The following IQCK variants were observed in gnomAD, a reference collection of about 807,000 sequenced individuals.
IQCK encodes the protein IQ motif containing K.
Under a neutral mutation model 28.1 loss-of-function variants are expected in IQCK, and 29 were observed. The ratio of observed to expected loss-of-function variants is 1.03; its 90% CI spans 0.77 to 1.41. The LOEUF is 1.41. Ranked by LOEUF, IQCK falls within the 40% of genes most tolerant of loss-of-function variation. The pLI is 0.00. For missense variants in IQCK, 359 were observed against 314.7 expected (o/e 1.14, Z -1.07); for synonymous variants, 113 against 115.1 (o/e 0.98, Z 0.12).
At chr16:19,748,292 CTGAA>C (rs2054940559) in intron 4 of IQCK, among the ~76,000 whole-genome samples, 2 of 151,982 alleles carry the variant, frequency 1.3e-5, no homozygotes, top group Non-Finnish European at 2.9e-5. Flanking sequence ...CCAGGCCAGT[CTGAA>C]ACTTCTGACT....
At chr16:19,838,397 G>C (rs1431096026) in intron 9 of IQCK, among the ~76,000 whole-genome samples, 1 of 152,170 alleles carries the variant, frequency 6.6e-6, no homozygotes, top group African/African-American at 2.4e-5. Context: ...GGAGATTTTT[G>C]TGAAGTTTGA....
chr16:19,847,179 T>A (rs1271904001), intron 9 of IQCK, among the ~76,000 whole-genome samples: 2 of 152,200 alleles, frequency 1.3e-5, no homozygotes, highest in African/African-American at 4.8e-5. Flanking sequence ...CTGAGCCTAG[T>A]GTCCAGCATC....
chr16:19,762,240 AGTGGACC>A (rs1481635390), intron 4 of IQCK, among the ~76,000 whole-genome samples: 2 of 152,070 alleles, frequency 1.3e-5, no homozygotes, highest in Non-Finnish European at 2.9e-5. Flanking sequence ...TGAAGTGGAG[AGTGGACC>A]GTGGGTGGAG....
At chr16:19,777,096 A>G (rs1012330935) in intron 6 of IQCK, among the ~76,000 whole-genome samples, 8 of 152,204 alleles carry the variant, frequency 5.3e-5, no homozygotes, top group Non-Finnish European at 8.8e-5. Flanking sequence ...ACATCATTAA[A>G]ACTGAGACCT....
intron 1 of IQCK, among the ~76,000 whole-genome samples, chr16:19,727,261 T>A (rs1977685424): frequency 6.6e-6 from 1 of 152,208 alleles, no homozygotes; most frequent in African/African-American, 2.4e-5. Context: ...GTGGGCACTT[T>A]GACCTAGCCT....
chr16:19,830,014 C>CGAATGAATGAAT (rs36097422), downstream of IQCK, among the ~76,000 whole-genome samples: 9 of 151,370 alleles, frequency 5.9e-5, no homozygotes, highest in Non-Finnish European at 1.0e-4. Context: ...ATCAGTTGAA[C>CGAATGAATGAAT]GAATGAATGA....
intron 7 of IQCK, among the ~76,000 whole-genome samples, chr16:19,817,583 G>T (rs2056005954): frequency 1.3e-5 from 2 of 152,140 alleles, no homozygotes; most frequent in Non-Finnish European, 2.9e-5. Context: ...ACAACTGCAG[G>T]CTTCCAGAAT....
At chr16:19,802,405 T>C (rs142235726) in intron 7 of IQCK, among the ~76,000 whole-genome samples, 13 of 42,016 alleles carry the variant, frequency 3.1e-4, no homozygotes, top group African/African-American at 1.6e-3. Context: ...TTAATAACCA[T>C]GGGCAGATTA....
chr16:19,813,593 C>T (rs963135303), intron 7 of IQCK, among the ~76,000 whole-genome samples: 1 of 152,104 alleles, frequency 6.6e-6, no homozygotes, highest in African/African-American at 2.4e-5. Context: ...GGGCTATAAA[C>T]AAAGGCATTT....
At chr16:19,778,103 C>A (rs1597550214) in intron 6 of IQCK, among the ~76,000 whole-genome samples, 1 of 152,124 alleles carries the variant, frequency 6.6e-6, no homozygotes, top group Non-Finnish European at 1.5e-5. Flanking sequence ...GTATGGCAGG[C>A]ACATCTGGGC....
chr16:19,727,265 C>T (rs1203412127), intron 1 of IQCK, among the ~76,000 whole-genome samples: 1 of 152,070 alleles, frequency 6.6e-6, no homozygotes, highest in East Asian at 1.9e-4. Context: ...GCACTTTGAC[C>T]TAGCCTGGGA....
At chr16:19,826,646 G>A (rs549635090) in intron 7 of IQCK, among the ~76,000 whole-genome samples, 4 of 152,320 alleles carry the variant, frequency 2.6e-5, no homozygotes, top group African/African-American at 9.6e-5. Flanking sequence ...CCAAAGTGCT[G>A]GGATTACAGG....
intron 6 of IQCK, chr16:19,764,334 T>G (rs1567548033): frequency 2.4e-6 from 1 of 417,788 alleles, no homozygotes; most frequent in Non-Finnish European, 4.3e-6. Flanking sequence ...AATAGAAAAC[T>G]TAAAAAAAAA....
intron 6 of IQCK, among the ~76,000 whole-genome samples, chr16:19,781,364 T>C (rs2055481520): frequency 6.6e-6 from 1 of 151,992 alleles, no homozygotes. Flanking sequence ...AGTGATGGAG[T>C]TGGTTAAATG....
intron 9 of IQCK, among the ~76,000 whole-genome samples, chr16:19,846,311 T>C (rs991793530): frequency 1.3e-5 from 2 of 152,212 alleles, no homozygotes; most frequent in African/African-American, 2.4e-5. Context: ...GCAGCTAAGC[T>C]GTGCTTGGAT....
chr16:19,799,659 T>C (rs1321053569), intron 7 of IQCK, among the ~76,000 whole-genome samples: 2 of 107,820 alleles, frequency 1.9e-5, no homozygotes, highest in East Asian at 4.9e-4. Flanking sequence ...ATACATTGAG[T>C]CATAACTTAA....
chr16:19,728,595 T>A (rs1977732142), intron 1 of IQCK, among the ~76,000 whole-genome samples: 1 of 152,172 alleles, frequency 6.6e-6, no homozygotes, highest in Admixed American at 6.5e-5. Flanking sequence ...CAACAACCAA[T>A]GAGCTTGGAA....
intron 7 of IQCK, among the ~76,000 whole-genome samples, chr16:19,826,676 C>T (rs190985415): frequency 9.4e-4 from 143 of 152,274 alleles, no homozygotes; most frequent in African/African-American, 3.3e-3. Flanking sequence ...CCGTGCCTGG[C>T]CAAGTGAAAT....
chr16:19,760,329 G>A (rs1343442259), intron 4 of IQCK, among the ~76,000 whole-genome samples: 1 of 152,110 alleles, frequency 6.6e-6, no homozygotes, highest in African/African-American at 2.4e-5. Flanking sequence ...ATACCTGAAA[G>A]GTCCAGGGAA....
Sources: gnomAD v4.1 joint callset for allele counts (sites outside exome capture counted in the v4.1 genomes callset) on GRCh38, gnomAD v4.1.1 for gene constraint, MANE v1.5 for transcripts, NCBI Gene and HGNC (gene_info 2026-07-23, HGNC 2026-07-21) for gene names.